The following BAZ2B variants were observed in gnomAD, a reference collection of about 807,000 sequenced individuals.
BAZ2B encodes the protein bromodomain adjacent to zinc finger domain protein 2B.
A neutral mutation model predicts 246.0 loss-of-function variants in BAZ2B; 91 were observed. The observed-to-expected ratio is 0.37, with a 90% CI of 0.31 to 0.44. BAZ2B has a LOEUF of 0.44. Ranked by LOEUF, BAZ2B falls within the 20% of genes least tolerant of loss-of-function variation. The pLI is 1.00. For synonymous variants in BAZ2B, 855 were observed against 860.0 expected, an observed-to-expected ratio of 0.99 and a Z score of 0.10; for missense variants, 2,332 against 2,533.7, an observed-to-expected ratio of 0.92 and a Z score of 1.71.
intron 33 of BAZ2B, among the ~76,000 whole-genome samples, chr2:159,335,729 C>T (rs1022913782): frequency 7.2e-5 from 11 of 152,050 alleles, no homozygotes; most frequent in African/African-American, 1.9e-4. Flanking sequence ...AAGGTAAAGA[C>T]GAAAGAAAGA....
chr2:159,599,421 C>G (rs1379493356), intron 1 of BAZ2B, among the ~76,000 whole-genome samples: 1 of 150,274 alleles, frequency 6.7e-6, no homozygotes. Flanking sequence ...GAGTTTGAGA[C>G]CAGCCTGACC....
At chr2:159,657,808 G>A in the BAZ2B span, among the ~76,000 whole-genome samples, 4 of 152,134 alleles carry the variant, frequency 2.6e-5, no homozygotes, top group South Asian at 2.1e-4. Flanking sequence ...TATTCACTTC[G>A]TATCGTGCAG....
chr2:159,490,191 A>T (rs931208932), intron 2 of BAZ2B, among the ~76,000 whole-genome samples: 4 of 152,208 alleles, frequency 2.6e-5, no homozygotes, highest in Non-Finnish European at 5.9e-5. Flanking sequence ...ACTTATAATT[A>T]ATAATTCTTA....
At chr2:159,683,689 T>C in the BAZ2B span, among the ~76,000 whole-genome samples, 3 of 152,354 alleles carry the variant, frequency 2.0e-5, no homozygotes, top group African/African-American at 7.2e-5. Flanking sequence ...AGGGAAGATA[T>C]CTGATTCTTG....
At chr2:159,428,667 C>T (rs1467161906) in intron 11 of BAZ2B, among the ~76,000 whole-genome samples, 1 of 152,048 alleles carries the variant, frequency 6.6e-6, no homozygotes, top group Non-Finnish European at 1.5e-5. Context: ...TACTTGATTA[C>T]TTTGGGTACT....
chr2:159,380,662 T>A (rs2061894601), intron 25 of BAZ2B, among the ~76,000 whole-genome samples: 1 of 152,190 alleles, frequency 6.6e-6, no homozygotes, highest in South Asian at 2.1e-4. Context: ...ATGTGGATTA[T>A]GCTGAATACC....
chr2:159,575,296 C>T (rs1295365429), intron 1 of BAZ2B, among the ~76,000 whole-genome samples: 1 of 152,102 alleles, frequency 6.6e-6, no homozygotes. Context: ...GAGCAACACT[C>T]TGCCTCCCAA....
intron 15 of BAZ2B, 26 bp downstream of exon 15, chr2:159,404,996 G>GT: frequency 1.2e-6 from 2 of 1,612,804 alleles, no homozygotes; most frequent in Non-Finnish European, 1.7e-6. Context: ...GACTCTTCGA[G>GT]TTTATGTTAC....
downstream of BAZ2B, among the ~76,000 whole-genome samples, chr2:159,315,985 TA>T (rs1396636792): frequency 2.6e-5 from 4 of 152,244 alleles, no homozygotes; most frequent in African/African-American, 7.2e-5. Flanking sequence ...AAACAGAATT[TA>T]AAAACAATAA....
chr2:159,548,900 A>G (rs991686806), intron 2 of BAZ2B, among the ~76,000 whole-genome samples: 2 of 152,248 alleles, frequency 1.3e-5, no homozygotes, highest in Admixed American at 1.3e-4. Flanking sequence ...CTAGGTATCT[A>G]GCACTTACCA....
At chr2:159,517,963 T>C (rs2083606459) in intron 2 of BAZ2B, among the ~76,000 whole-genome samples, 1 of 152,226 alleles carries the variant, frequency 6.6e-6, no homozygotes, top group South Asian at 2.1e-4. Context: ...TTAAATAATT[T>C]AAAAACCATA....
At chr2:159,332,868 T>C in intron 33 of BAZ2B, 182 bp from the exon 34 acceptor site, 1 of 666,828 alleles carries the variant, frequency 1.5e-6, no homozygotes, top group Non-Finnish European at 2.4e-6. Flanking sequence ...ACATGACGGG[T>C]GAGCAGTTCT....
chr2:159,326,322 T>C (rs1039418835), intron 34 of BAZ2B, among the ~76,000 whole-genome samples: 3 of 152,030 alleles, frequency 2.0e-5, no homozygotes, highest in African/African-American at 7.2e-5. Flanking sequence ...AATAAGAAAG[T>C]TGAAGAGGTA....
chr2:159,596,892 T>C (rs1281386443), intron 1 of BAZ2B, among the ~76,000 whole-genome samples: 3 of 152,210 alleles, frequency 2.0e-5, no homozygotes, highest in African/African-American at 7.2e-5. Flanking sequence ...AATGACTTCT[T>C]TTCCTCTGGG....
At chr2:159,368,879 A>AC (rs2060514337) in intron 27 of BAZ2B, among the ~76,000 whole-genome samples, 1 of 128,770 alleles carries the variant, frequency 7.8e-6, no homozygotes, top group African/African-American at 2.7e-5. Flanking sequence ...AAAAAAAAAA[A>AC]AAAACTGTCT....
intron 1 of BAZ2B, among the ~76,000 whole-genome samples, chr2:159,575,748 T>C (rs535134122): frequency 2.6e-4 from 40 of 152,288 alleles, no homozygotes; most frequent in Non-Finnish European, 4.3e-4. Flanking sequence ...TTATATGTAC[T>C]CCATTAACAT....
At chr2:159,339,617 C>A (rs1224698210) in intron 31 of BAZ2B, among the ~76,000 whole-genome samples, 1 of 152,100 alleles carries the variant, frequency 6.6e-6, no homozygotes, top group Non-Finnish European at 1.5e-5. Context: ...TATTTGTACT[C>A]CTATATTTAC....
At chr2:159,557,088 C>G (rs1182104713) in intron 1 of BAZ2B, among the ~76,000 whole-genome samples, 1 of 151,374 alleles carries the variant, frequency 6.6e-6, no homozygotes, top group East Asian at 1.9e-4. Flanking sequence ...TACCTTACTA[C>G]TTCATGATTA....
the BAZ2B span, among the ~76,000 whole-genome samples, chr2:159,648,330 G>A: frequency 2.0e-5 from 3 of 151,870 alleles, no homozygotes; most frequent in African/African-American, 7.3e-5. Context: ...TAGAGATGGG[G>A]TTTCAGCATG....
Sources: allele counts gnomAD v4.1 joint callset (sites outside exome capture counted in the v4.1 genomes callset), GRCh38; gene constraint gnomAD v4.1.1; transcripts MANE v1.5; gene names NCBI Gene and HGNC (gene_info 2026-07-23, HGNC 2026-07-21).